The following DMRT3 variants were observed in gnomAD, a reference collection of about 807,000 sequenced individuals.
The protein encoded by DMRT3 is doublesex- and mab-3-related transcription factor 3.
In DMRT3, 29 loss-of-function variants were observed where a neutral mutation model predicts 34.9. The ratio of observed to expected loss-of-function variants is 0.83; its 90% confidence interval spans 0.62 to 1.13. The LOEUF is 1.13. DMRT3 is among the 50% of genes most tolerant of loss of function. DMRT3 has a pLI of 0.00. For missense variants in DMRT3, 772 were observed against 629.1 expected (o/e 1.23, Z -2.43); for synonymous variants, 350 against 286.0 (o/e 1.22, Z -2.26).
Position 990,958 on chromosome 9 carries a change from G to A in DMRT3, c.1372G>A (p.Glu458Lys), listed in dbSNP as rs554739680. 16 of 1,613,896 alleles carry A rather than the reference G, an allele frequency of 9.9e-6. No homozygotes were observed. The highest frequency in any genetic ancestry group is 1.6e-4 in the Middle Eastern group (1 of 6,084). ...CATTTACACCGAGGACGACTATGAC[G>A]AGAGGTCTGACTCCTCAGACTCTAG... ...QSIYTEDDYD[E>K]RSDSSDSRTL... Residue 458 changes from glutamate to lysine, a missense_variant, in exon 2 of 2, where the codon GAG becomes AAG. Coordinates refer to ENST00000190165, the MANE Select transcript of DMRT3 (RefSeq NM_021240.4).
chr9:990,474 GCGA>G lies in DMRT3; in HGVS notation c.889_891del (p.Arg297del), dbSNP rs1820343879. On this transcript the variant is annotated inframe_deletion, in exon 2 of 2. Transcript: ENST00000190165. ...GCCGATCCTCAGTCACGGGAGCAGA[GCGA>G]ACTTCCGCAGAACCTGAGAGTCTAG... The G allele has an allele frequency of 6.2e-7, 1 of 1,614,070 alleles. No individual in the cohort carries two copies. The highest frequency in any genetic ancestry group is 1.3e-5 in the African/African-American group (1 of 74,920).
rs780148752 is a variant in DMRT3 at position 990,666 on chromosome 9, C to G, written c.1080C>G (p.Pro360=). ...GTCCCTTGGCTGGGCCTCTGCAGCC[C>G]CCTTTCCCCCAGCCACCCCGGTACC... The part of the protein sequence containing the change: ...VPSPLAGPLQ[P]PFPQPPRYPL... Residue 360 remains proline (P), a synonymous_variant, in exon 2 of 2, where the codon CCC becomes CCG. Coordinates refer to ENST00000190165, the MANE Select transcript of DMRT3 (RefSeq NM_021240.4). 1.2e-6 allele frequency: 2 copies of G among 1,613,984 alleles called. No individual in the cohort carries two copies. Among genetic ancestry groups the G allele is most frequent in the Non-Finnish European group, 1.7e-6 (2 of 1,180,014 alleles).
intron 1 of DMRT3, among the ~76,000 whole-genome samples, chr9:981,232 G>A (rs561652613): frequency 2.6e-5 from 4 of 151,824 alleles, no homozygotes; most frequent in East Asian, 3.9e-4. Context: ...TTTCTGCTCC[G>A]GCTTGACTGG....
intron 1 of DMRT3, among the ~76,000 whole-genome samples, chr9:981,210 T>C (rs1269556113): frequency 6.6e-6 from 1 of 152,130 alleles, no homozygotes; most frequent in Non-Finnish European, 1.5e-5. Context: ...TCTTTATGCT[T>C]GCCTCTGGGC....
chr9:985,063 A>G (rs1402354194), intron 1 of DMRT3, among the ~76,000 whole-genome samples: 2 of 152,186 alleles, frequency 1.3e-5, no homozygotes, highest in African/African-American at 4.8e-5. Context: ...TTTTAATTGA[A>G]TATCTACTTC....
Position 977,012 on chromosome 9 carries a change from A to G in DMRT3, c.11A>G (p.Tyr4Cys), listed in dbSNP as rs545146205. The change falls in exon 1 of 2, where the codon TAC becomes TGC. Residue 4 changes from tyrosine (Y) to cysteine (C), a missense_variant. By Grantham distance (194) the Tyr-to-Cys change is radical. Transcript: ENST00000190165. MNGYGSPYLYMGGP... is the reference protein window; with the variant it reads MNGCGSPYLYMGGP... ...TCGGGAGCCCGGGGCATGAACGGCTACGGCTCCCCCTACCTGTACATGGGC... is the reference window on the plus strand; with the variant it reads ...TCGGGAGCCCGGGGCATGAACGGCTGCGGCTCCCCCTACCTGTACATGGGC... 294 of 1,510,750 alleles carry G rather than the reference A, an allele frequency of 1.9e-4. 4 individuals carry two copies. In the South Asian group the frequency reaches 2.9e-3, roughly 15 times the overall value. 93.6% of individuals were successfully genotyped at this position (1,510,750 alleles called of 1,614,324 possible). A position where few individuals can be genotyped will look rare whatever the true frequency, so the allele number is the denominator to read the frequency against.
chr9:982,545 G>T (rs1477969135), intron 1 of DMRT3, among the ~76,000 whole-genome samples: 1 of 152,214 alleles, frequency 6.6e-6, no homozygotes, highest in Non-Finnish European at 1.5e-5. Context: ...TTCGGAGAAG[G>T]TCAGGCTCAA....
At position 990,462 on chromosome 9, in the gene DMRT3, C is replaced by G; in HGVS notation, c.876C>G (p.Val292=). 1 of 1,614,194 alleles carries G rather than the reference C, an allele frequency of 6.2e-7. No homozygotes were observed. The highest frequency in any genetic ancestry group is 1.6e-4 in the Middle Eastern group (1 of 6,062). The change falls in exon 2 of 2, where the codon GTC becomes GTG. Residue 292 remains valine (V), a synonymous_variant. Transcript: ENST00000190165. The part of the protein sequence containing the change: ...VEVLLSSRSS[V]TGAERTSAEP... ...TCCTTCTGTCCAGCCGATCCTCAGT[C>G]ACGGGAGCAGAGCGAACTTCCGCAG...
chr9:977,253 G>C lies in DMRT3; in HGVS notation c.252G>C (p.Glu84Asp), dbSNP rs114886176. The part of the protein sequence containing the change: ...LRRQQANESL[E>D]SLIPDSLRAL... ...GGCAGCAGGCCAACGAGAGCTTGGA[G>C]AGCCTCATCCCCGACTCGCTGCGCG... The change falls in exon 1 of 2, where the codon GAG (glutamate) becomes GAC (aspartate). Residue 84 changes from glutamate (E) to aspartate (D), a missense_variant. By Grantham distance (45) the Glu-to-Asp change is conservative (BLOSUM62 2). Transcript: ENST00000190165. 9.4e-6 allele frequency: 15 copies of C among 1,589,548 alleles called. No individual in the cohort carries two copies. The highest frequency in any genetic ancestry group is 1.4e-5 in the African/African-American group (1 of 73,160).
chr9:985,180 A>T (rs1308322809), intron 1 of DMRT3, among the ~76,000 whole-genome samples: 3 of 152,228 alleles, frequency 2.0e-5, no homozygotes, highest in African/African-American at 7.2e-5. Context: ...GATTTTAAAA[A>T]TATGTACATG....
rs780600232 is a variant in DMRT3 at position 977,041 on chromosome 9, C to T, written c.40C>T (p.Pro14Ser). The change falls in exon 1 of 2, where the codon CCG (proline) becomes TCG (serine). Residue 14 changes from proline to serine, a missense_variant. By Grantham distance (74) the Pro-to-Ser change is moderately conservative (BLOSUM62 -1). Transcript: ENST00000190165. ...YGSPYLYMGG[P>S]VSQPPRAPLQ... ...CTCCCCCTACCTGTACATGGGCGGC[C>T]CGGTGTCGCAGCCGCCACGGGCGCC... 2 of 1,565,034 alleles carry T rather than the reference C, an allele frequency of 1.3e-6. No individual in the cohort carries two copies. The highest frequency in any genetic ancestry group is 2.2e-4 in the Middle Eastern group (1 of 4,648).
At position 990,734 on chromosome 9, in the gene DMRT3, CCT is replaced by C; in HGVS notation, c.1149_1150del (p.Leu385AlafsTer3). On this transcript the variant is annotated frameshift_variant, in exon 2 of 2. Transcript: ENST00000190165. LOFTEE classifies it high-confidence loss of function. ...ACTTTGGCGAGAAGCCAGTCGAGCC[CCT>C]TTTTGCCCAATGATGTCACCCTGTG... 1.2e-6 allele frequency: 2 copies of C among 1,614,156 alleles called. No individual in the cohort carries two copies. Among genetic ancestry groups the C allele is most frequent in the Non-Finnish European group, 1.7e-6 (2 of 1,180,032 alleles).
In DMRT3 at chr9:976,902, GC is replaced by G; in HGVS notation, c.-97del. On this transcript the variant is annotated 5_prime_UTR_variant, in exon 1 of 2. Transcript: ENST00000190165. The surrounding 1 kb of genome is among the most constrained non-coding windows in gnomAD (Gnocchi z 4.5). ...GGGCTGCGGGACCAAGGGCCGCGTC[GC>G]CCGGAGGCCGCCCCTGAGCGGGCCT... 3.9e-6 allele frequency: 5 copies of G among 1,286,488 alleles called. No homozygotes were observed. Among genetic ancestry groups the G allele is most frequent in the Non-Finnish European group, 5.0e-6 (5 of 999,298 alleles). The allele number at this position is 1,286,488 out of a possible 1,614,324, so 79.7% of individuals were successfully genotyped here.
At chr9:983,614 A>C (rs1168492672) in intron 1 of DMRT3, among the ~76,000 whole-genome samples, 1 of 152,204 alleles carries the variant, frequency 6.6e-6, no homozygotes, top group African/African-American at 2.4e-5. Context: ...GCATTTGTTA[A>C]ATAGATGGAT....
intron 1 of DMRT3, among the ~76,000 whole-genome samples, chr9:980,917 A>G (rs1211391653): frequency 6.6e-6 from 1 of 152,194 alleles, no homozygotes; most frequent in African/African-American, 2.4e-5. Context: ...CTGTGGTGCG[A>G]TGAGAAGAAA....
intron 1 of DMRT3, among the ~76,000 whole-genome samples, chr9:988,155 C>T (rs756976173): frequency 6.6e-6 from 1 of 152,108 alleles, no homozygotes; most frequent in Non-Finnish European, 1.5e-5. Flanking sequence ...TAGAGTCATT[C>T]TACAGTAGAG....
intron 1 of DMRT3, among the ~76,000 whole-genome samples, chr9:987,677 T>C (rs904987386): frequency 3.3e-5 from 5 of 152,196 alleles, no homozygotes; most frequent in African/African-American, 9.6e-5. Flanking sequence ...CTTACACTTC[T>C]TGGTGTTTTT....
Position 990,556 on chromosome 9 carries a change from T to C in DMRT3, c.970T>C (p.Ser324Pro). The change falls in exon 2 of 2, where the codon TCG (serine) becomes CCG (proline). Residue 324 changes from serine to proline, a missense_variant. Coordinates refer to ENST00000190165, the MANE Select transcript of DMRT3 (RefSeq NM_021240.4). ...ACACACCTTGAGCTCCTACCCCATCTCGTCTTCCAAATGGTCTGTGGGATC... is the reference window on the plus strand; with the variant it reads ...ACACACCTTGAGCTCCTACCCCATCCCGTCTTCCAAATGGTCTGTGGGATC... ...FEHTLSSYPISSSKWSVGSAF... is the reference protein window; with the variant it reads ...FEHTLSSYPIPSSKWSVGSAF... 1 of 1,614,090 alleles carries C rather than the reference T, an allele frequency of 6.2e-7. No individual in the cohort carries two copies. The highest frequency in any genetic ancestry group is 8.5e-7 in the Non-Finnish European group (1 of 1,180,030).
intron 1 of DMRT3, among the ~76,000 whole-genome samples, chr9:982,502 G>C (rs965321722): frequency 6.6e-6 from 1 of 152,172 alleles, no homozygotes; most frequent in African/African-American, 2.4e-5. Context: ...AATCACAGGA[G>C]GACAGTGTGA....
Sources: allele counts gnomAD v4.1 joint callset (sites outside exome capture counted in the v4.1 genomes callset), GRCh38; gene constraint gnomAD v4.1.1; non-coding constraint Gnocchi (gnomAD v3.1); transcripts MANE v1.5; gene names NCBI Gene and HGNC (gene_info 2026-07-23, HGNC 2026-07-21).